Variants in BICRAL observed in about 807,000 individuals in gnomAD.
The protein encoded by BICRAL is BRD4-interacting chromatin-remodeling complex-associated protein-like.
Under a neutral mutation model 91.8 loss-of-function variants are expected in BICRAL, and 8 were observed. That is an observed-to-expected ratio of 0.09 (90% CI 0.05 to 0.16). The LOEUF (loss-of-function observed/expected upper bound fraction) is 0.16, where lower values mean the gene tolerates loss of function less well. Ranked by LOEUF, BICRAL falls within the 10% of genes least tolerant of loss-of-function variation. The pLI is 1.00. For synonymous variants in BICRAL, 445 were observed against 491.1 expected (o/e 0.91, Z 1.24); for missense variants, 1,038 against 1,310.9 (o/e 0.79, Z 3.21).
At chr6:42,801,752 C>T (rs1763578755) in intron 1 of BICRAL, among the ~76,000 whole-genome samples, 1 of 151,608 alleles carries the variant, frequency 6.6e-6, no homozygotes, top group African/African-American at 2.4e-5. Context: ...TGTGGTGGCG[C>T]ACACCTATAA....
intron 2 of BICRAL, among the ~76,000 whole-genome samples, chr6:42,813,595 C>T (rs1342118324): frequency 2.0e-5 from 3 of 152,148 alleles, no homozygotes; most frequent in African/African-American, 7.2e-5. Flanking sequence ...TCACGGCTCA[C>T]TGCAGCCTCA....
At chr6:42,860,022 T>C (rs1191779496) in intron 10 of BICRAL, among the ~76,000 whole-genome samples, 2 of 152,170 alleles carry the variant, frequency 1.3e-5, no homozygotes, top group Non-Finnish European at 2.9e-5. Context: ...GTTTTTGGTT[T>C]CCTAGTTAAA....
intron 1 of BICRAL, among the ~76,000 whole-genome samples, chr6:42,763,246 T>A (rs1392817564): frequency 6.6e-6 from 1 of 152,214 alleles, no homozygotes; most frequent in Non-Finnish European, 1.5e-5. Context: ...GGTTTAAGAT[T>A]TCTTAAAAGA....
At chr6:42,782,361 T>TGGG (rs1762938771) in intron 1 of BICRAL, among the ~76,000 whole-genome samples, 4 of 23,084 alleles carry the variant, frequency 1.7e-4, no homozygotes, top group Non-Finnish European at 3.0e-4. Flanking sequence ...GGTGGGTTTG[T>TGGG]GGGTGGGTGA....
chr6:42,858,515 TAAAA>T (rs34689139), intron 10 of BICRAL, among the ~76,000 whole-genome samples: 5 of 113,316 alleles, frequency 4.4e-5, no homozygotes, highest in African/African-American at 1.0e-4. Context: ...GACTCTGTTT[TAAAA>T]AAAAAAAAAA....
At chr6:42,823,047 T>A in intron 5 of BICRAL, 44 bp downstream of exon 5, 1 of 1,147,842 alleles carries the variant, frequency 8.7e-7, no homozygotes, top group South Asian at 1.2e-5. Flanking sequence ...GGTTTCTGTC[T>A]GATTGATGCC....
chr6:42,850,090 A>G (rs1008216807), intron 6 of BICRAL, among the ~76,000 whole-genome samples: 3 of 152,142 alleles, frequency 2.0e-5, no homozygotes, highest in Non-Finnish European at 4.4e-5. Flanking sequence ...GTCAATGGTC[A>G]GGCATTGCCA....
intron 6 of BICRAL, among the ~76,000 whole-genome samples, chr6:42,849,228 C>T (rs1765106624): frequency 6.6e-6 from 1 of 152,078 alleles, no homozygotes; most frequent in Non-Finnish European, 1.5e-5. Context: ...GCTGAGACCA[C>T]AGGCATGTGC....
chr6:42,844,482 G>T (rs1366353322), intron 6 of BICRAL, among the ~76,000 whole-genome samples: 1 of 124,248 alleles, frequency 8.0e-6, no homozygotes, highest in Non-Finnish European at 1.6e-5. Flanking sequence ...GCACTCCAGC[G>T]TGGGCTACAG....
In BICRAL at chr6:42,791,586, A is replaced by G. The variant is rs531409138; in HGVS notation, c.-102+9485A>G. On this transcript the variant is annotated intron_variant, in intron 1 of 12. Transcript: ENST00000314073. ...GGGGAAAAGAAATAATATTTGTTAAACCTTCACCTTGTTTGAGACCCTGAT... is the reference window on the plus strand; with the variant it reads ...GGGGAAAAGAAATAATATTTGTTAAGCCTTCACCTTGTTTGAGACCCTGAT... 2.0e-5 allele frequency among the ~76,000 whole-genome samples: 3 copies of G among 152,246 alleles called. No homozygotes were observed. In the East Asian group the frequency reaches 5.8e-4, roughly 29 times the overall value.
chr6:42,867,108 G>A lies in BICRAL; in HGVS notation c.*1662G>A, dbSNP rs942348802. 11 of 271,628 alleles carry A rather than the reference G, an allele frequency of 4.0e-5. 1 individual carries two copies. The highest frequency in any genetic ancestry group is 2.6e-4 in the South Asian group (7 of 27,256). 16.8% of individuals were successfully genotyped at this position (271,628 alleles called of 1,614,324 possible). On this transcript the variant is annotated 3_prime_UTR_variant, in exon 13 of 13. Coordinates refer to ENST00000314073, the MANE Select transcript of BICRAL (RefSeq NM_001393499.1). ...TTGCCAGAATCTGCTTCTGGCTGTC[G>A]CCAACATGGGGATGACCCCCATTGT...
Position 42,866,073 on chromosome 6 carries a change from C to G in BICRAL, c.*627C>G, listed in dbSNP as rs1340774609. The G allele has an allele frequency of 1.3e-5, 2 of 152,544 alleles. No homozygotes were observed. The highest frequency in any genetic ancestry group is 2.4e-5 in the African/African-American group (1 of 41,440). 9.4% of individuals were successfully genotyped at this position (152,544 alleles called of 1,614,324 possible). A position where few individuals can be genotyped will look rare whatever the true frequency, so the allele number is the denominator to read the frequency against. ...CTGGTGGAAAAGCCAGTAGCACATACGCAGGGCATTGCAGGGCTTCCCTAT... is the reference window on the plus strand; with the variant it reads ...CTGGTGGAAAAGCCAGTAGCACATAGGCAGGGCATTGCAGGGCTTCCCTAT... On this transcript the variant is annotated 3_prime_UTR_variant, in exon 13 of 13. Coordinates refer to ENST00000314073, the MANE Select transcript of BICRAL (RefSeq NM_001393499.1).
intron 6 of BICRAL, among the ~76,000 whole-genome samples, chr6:42,845,233 T>G (rs1472729839): frequency 1.3e-4 from 12 of 89,362 alleles, no homozygotes; most frequent in Non-Finnish European, 2.4e-4. Flanking sequence ...TTTTTTTTTT[T>G]TTTTTTTTTT....
chr6:42,824,668 A>T (rs1003133066), intron 5 of BICRAL, among the ~76,000 whole-genome samples: 7 of 152,242 alleles, frequency 4.6e-5, no homozygotes, highest in Admixed American at 3.3e-4. Flanking sequence ...AACCTGAGAA[A>T]CTCATATTAG....
chr6:42,748,241 G>A (rs1166750851), intron 1 of BICRAL, among the ~76,000 whole-genome samples: 1 of 151,412 alleles, frequency 6.6e-6, no homozygotes, highest in African/African-American at 2.4e-5. Flanking sequence ...TTTATGAAAT[G>A]TTGATTTAAG....
At chr6:42,863,375 C>T (rs879625153) in intron 12 of BICRAL, among the ~76,000 whole-genome samples, 84 of 150,008 alleles carry the variant, frequency 5.6e-4, no homozygotes, top group Non-Finnish European at 1.1e-3. Context: ...CATCCTCTGC[C>T]TCCTCAAGCC....
chr6:42,807,225 C>T (rs1192866028), intron 1 of BICRAL, among the ~76,000 whole-genome samples: 1 of 151,794 alleles, frequency 6.6e-6, no homozygotes, highest in Non-Finnish European at 1.5e-5. Flanking sequence ...TCACTGTCAC[C>T]GAGGCTGGGG....
At chr6:42,786,450 T>C (rs529598049) in intron 1 of BICRAL, among the ~76,000 whole-genome samples, 1 of 150,444 alleles carries the variant, frequency 6.6e-6, no homozygotes, top group Non-Finnish European at 1.5e-5. Flanking sequence ...AATCTTTGAC[T>C]AGACTAAAAT....
At chr6:42,757,447 T>A (rs2113826893) in intron 1 of BICRAL, among the ~76,000 whole-genome samples, 1 of 152,198 alleles carries the variant, frequency 6.6e-6, no homozygotes, top group South Asian at 2.1e-4. Flanking sequence ...AGAGACGGGG[T>A]TTCACCCTGT....
Sources: allele counts gnomAD v4.1 joint callset (sites outside exome capture counted in the v4.1 genomes callset), GRCh38; gene constraint gnomAD v4.1.1; transcripts MANE v1.5; gene names NCBI Gene and HGNC (gene_info 2026-07-23, HGNC 2026-07-21).